GNAO1: variants seen among roughly 807,000 people sequenced by gnomAD.
GNAO1 encodes the protein G protein subunit alpha o1.
For synonymous variants in GNAO1, 164 were observed against 180.7 expected, an observed-to-expected ratio of 0.91 and a Z score of 0.74; for missense variants, 166 against 478.7, an observed-to-expected ratio of 0.35 and a Z score of 6.10.
At chr16:56,327,472 C>T (rs150550874) in intron 3 of GNAO1, among the ~76,000 whole-genome samples, 45 of 152,174 alleles carry the variant, frequency 3.0e-4, no homozygotes, top group African/African-American at 1.0e-3. Context: ...TTGCCACTCG[C>T]TCCTGAGGTG....
Position 56,336,206 on chromosome 16 carries a change from C to T in GNAO1, c.594-525C>T, listed in dbSNP as rs370628558. On this transcript the variant is annotated intron_variant, in intron 5 of 8. Coordinates refer to ENST00000262493, the MANE Select transcript of GNAO1 (RefSeq NM_020988.3). Reference sequence around the variant, plus strand: ...GGGCCGTACTGGGCAGAGGTGAGAGCGCCAGCTTTGTCCACAGCCAGACCC... The same window carrying T: ...GGGCCGTACTGGGCAGAGGTGAGAGTGCCAGCTTTGTCCACAGCCAGACCC... Among the ~76,000 whole-genome samples the T allele has an allele frequency of 6.6e-4, 101 of 152,350 alleles. No individual in the cohort carries two copies. In the South Asian group the frequency reaches 0.02, roughly 31 times the overall value.
chr16:56,205,368 AG>A (rs1255942439), intron 2 of GNAO1, among the ~76,000 whole-genome samples: 1 of 152,224 alleles, frequency 6.6e-6, no homozygotes, highest in Non-Finnish European at 1.5e-5. Flanking sequence ...GCAGACAACA[AG>A]AGCTGGAGGG....
intron 2 of GNAO1, among the ~76,000 whole-genome samples, chr16:56,202,819 A>G (rs1326266234): frequency 6.6e-6 from 1 of 152,214 alleles, no homozygotes; most frequent in Non-Finnish European, 1.5e-5. Context: ...CCACTCATTT[A>G]TTCATTTATC....
At chr16:56,328,208 A>AT (rs1406510444) in intron 3 of GNAO1, among the ~76,000 whole-genome samples, 6 of 152,126 alleles carry the variant, frequency 3.9e-5, no homozygotes, top group East Asian at 1.9e-4. Flanking sequence ...AAGAACATTG[A>AT]TTTTTTTCTC....
In GNAO1 at chr16:56,354,954, C is replaced by T; in HGVS notation, c.966C>T (p.His322=). 6.2e-7 allele frequency: 1 copy of T among 1,613,170 alleles called. No individual in the cohort carries two copies. The highest frequency in any genetic ancestry group is 8.5e-7 in the Non-Finnish European group (1 of 1,179,100). ...NRSPNKEIYC[H]MTCATDTNNI... ...CACCCAACAAAGAAATATATTGTCA[C>T]ATGACTTGTGCCACAGACACGAATA... The change falls in exon 8 of 9, where the codon CAC becomes CAT. Residue 322 remains histidine (H), a synonymous_variant. Coordinates refer to ENST00000262493, the MANE Select transcript of GNAO1 (RefSeq NM_020988.3). This position sits in a 1 kb window ranked among gnomAD's most constrained non-coding sequence, Gnocchi z 4.3.
At chr16:56,266,514 T>C (rs2036955683) in intron 2 of GNAO1, among the ~76,000 whole-genome samples, 1 of 152,196 alleles carries the variant, frequency 6.6e-6, no homozygotes, top group Non-Finnish European at 1.5e-5. Flanking sequence ...ATGGATACTG[T>C]CTGGCCCCCC....
At chr16:56,315,597 G>A (rs910213643) in intron 3 of GNAO1, among the ~76,000 whole-genome samples, 21 of 152,148 alleles carry the variant, frequency 1.4e-4, no homozygotes, top group African/African-American at 4.6e-4. Context: ...AGGGCACCAA[G>A]ACAAAGAGGC....
intron 6 of GNAO1, chr16:56,344,283 G>A: frequency 8.2e-7 from 1 of 1,221,738 alleles, no homozygotes; most frequent in African/African-American, 1.5e-5. Context: ...TGACTCACTG[G>A]AAGCCTCGGA....
At chr16:56,228,668 G>A (rs8046478) in intron 2 of GNAO1, among the ~76,000 whole-genome samples, 21,446 of 152,112 alleles carry the variant, frequency 0.14, 2,015 homozygotes, top group African/African-American at 0.26. Flanking sequence ...AATGGGAAGA[G>A]CTTCATGTTC....
In GNAO1 at chr16:56,354,669, T is replaced by C. The variant is rs1218002670; in HGVS notation, c.878-197T>C. ...CCAGCCTGGGCAATAAGAGCAAAAC[T>C]CTGTCTCAAAAAAATAGTTCTTTAA... On this transcript the variant is annotated intron_variant, in intron 7 of 8. Coordinates refer to ENST00000262493, the MANE Select transcript of GNAO1 (RefSeq NM_020988.3). This position sits in a 1 kb window ranked among gnomAD's most constrained non-coding sequence, Gnocchi z 4.3. Among the ~76,000 whole-genome samples, 6 of 152,052 alleles carry C rather than the reference T, an allele frequency of 3.9e-5. No individual in the cohort carries two copies. The highest frequency in any genetic ancestry group is 5.9e-5 in the Non-Finnish European group (4 of 67,988).
chr16:56,335,277 A>G (rs1463236999), intron 5 of GNAO1, among the ~76,000 whole-genome samples: 4 of 152,214 alleles, frequency 2.6e-5, no homozygotes, highest in Non-Finnish European at 5.9e-5. Flanking sequence ...TGGAAGGAGC[A>G]GAGAGAGCTG....
At chr16:56,204,340 G>C (rs1445744660) in intron 2 of GNAO1, among the ~76,000 whole-genome samples, 1 of 152,114 alleles carries the variant, frequency 6.6e-6, no homozygotes, top group African/African-American at 2.4e-5. Flanking sequence ...AGAGAGATCT[G>C]GGCTAGAAGG....
At position 56,327,705 on chromosome 16, in the gene GNAO1, C is replaced by T. The variant is rs76573363; in HGVS notation, c.304-926C>T. 4.8e-3 allele frequency among the ~76,000 whole-genome samples: 734 copies of T among 152,164 alleles called. 5 individuals carry two copies. Among genetic ancestry groups the T allele is most frequent in the African/African-American group, 0.016 (651 of 41,490 alleles). On this transcript the variant is annotated intron_variant, in intron 3 of 8. Transcript: ENST00000262493. ...CCAGGATGAGGGGAAGGGGAAGAAACCTGTTAATTATGCAGTACTTTTTCT... is the reference window on the plus strand; with the variant it reads ...CCAGGATGAGGGGAAGGGGAAGAAATCTGTTAATTATGCAGTACTTTTTCT...
intron 2 of GNAO1, among the ~76,000 whole-genome samples, chr16:56,223,010 A>G (rs1022748523): frequency 6.6e-6 from 1 of 152,200 alleles, no homozygotes; most frequent in Non-Finnish European, 1.5e-5. Context: ...TTCTGGGTGT[A>G]TAACTGGGTT....
At chr16:56,313,799 T>C (rs1049744438) in intron 3 of GNAO1, among the ~76,000 whole-genome samples, 10 of 152,162 alleles carry the variant, frequency 6.6e-5, no homozygotes. Context: ...GACAACTCAC[T>C]CCAGCCTCAA....
At chr16:56,318,911 G>T (rs1331200657) in intron 3 of GNAO1, among the ~76,000 whole-genome samples, 1 of 152,136 alleles carries the variant, frequency 6.6e-6, no homozygotes, top group Admixed American at 6.5e-5. Context: ...TGTGCAGTGG[G>T]GAGTAGTGAG....
chr16:56,286,595 G>A (rs1436354998), intron 3 of GNAO1, among the ~76,000 whole-genome samples: 1 of 152,116 alleles, frequency 6.6e-6, no homozygotes, highest in African/African-American at 2.4e-5. Context: ...GTAACCTTGT[G>A]TGCATCCTAG....
chr16:56,305,141 G>T (rs149291147), intron 3 of GNAO1, among the ~76,000 whole-genome samples: 166 of 152,232 alleles, frequency 1.1e-3, no homozygotes, highest in African/African-American at 3.9e-3. Context: ...AGCTCACCCC[G>T]CCAGACCTTG....
At chr16:56,229,558 A>G (rs1009622415) in intron 2 of GNAO1, among the ~76,000 whole-genome samples, 1 of 152,144 alleles carries the variant, frequency 6.6e-6, no homozygotes, top group Admixed American at 6.5e-5. Flanking sequence ...ACCAGGAGCT[A>G]TAAATAATTG....
Sources: allele counts gnomAD v4.1 joint callset (sites outside exome capture counted in the v4.1 genomes callset), GRCh38; gene constraint gnomAD v4.1.1; non-coding constraint Gnocchi (gnomAD v3.1); transcripts MANE v1.5; gene names NCBI Gene and HGNC (gene_info 2026-07-23, HGNC 2026-07-21).